GBE1: variants seen among roughly 807,000 people sequenced by gnomAD.
The protein encoded by GBE1 is 1,4-alpha-glucan-branching enzyme.
In GBE1, 70 loss-of-function variants were observed where a neutral mutation model predicts 88.8. The observed-to-expected ratio is 0.79, with a 90% CI of 0.65 to 0.96. The LOEUF is 0.96. GBE1 is among the 40% of genes least tolerant of loss of function. The probability of loss-of-function intolerance (pLI) is 0.00; values close to 1 mark genes in which losing one functional copy is unlikely to be tolerated. For missense variants in GBE1, 872 were observed against 871.0 expected (o/e 1.00, Z -0.01); for synonymous variants, 284 against 300.1 (o/e 0.95, Z 0.56).
intron 2 of GBE1, among the ~76,000 whole-genome samples, chr3:81,695,566 T>C (rs1559690528): frequency 1.3e-5 from 2 of 152,160 alleles, no homozygotes; most frequent in African/African-American, 2.4e-5. Flanking sequence ...TGAAACTAGA[T>C]AGTAATAATG....
intron 12 of GBE1, among the ~76,000 whole-genome samples, chr3:81,551,122 T>G (rs550590610): frequency 1.3e-5 from 2 of 152,284 alleles, no homozygotes; most frequent in Admixed American, 1.3e-4. Context: ...CCAAAGAATA[T>G]ATTCTAAGCC....
intron 9 of GBE1, among the ~76,000 whole-genome samples, chr3:81,587,012 G>A (rs538920840): frequency 2.0e-5 from 3 of 151,930 alleles, no homozygotes; most frequent in African/African-American, 4.8e-5. Flanking sequence ...GGCTGTTCTC[G>A]AACTCCTGAC....
At chr3:81,515,513 T>C (rs1174834068) in intron 14 of GBE1, among the ~76,000 whole-genome samples, 5 of 151,450 alleles carry the variant, frequency 3.3e-5, no homozygotes, top group African/African-American at 9.7e-5. Context: ...CTCCGTATTG[T>C]CTAAGACCAT....
Position 81,630,676 on chromosome 3 carries a change from G to C in GBE1, c.992+12105C>G, listed in dbSNP as rs543260247. Among the ~76,000 whole-genome samples, 5 of 152,208 alleles carry C rather than the reference G, an allele frequency of 3.3e-5. No individual in the cohort carries two copies. In the South Asian group the frequency reaches 1.0e-3, roughly 32 times the overall value. ...AAAATTAACATCCAAATTGAGATGT[G>C]CCCTAAGTGTAAAATACACACCAAA... On this transcript the variant is annotated intron_variant, in intron 7 of 15. Coordinates refer to ENST00000429644, the MANE Select transcript of GBE1 (RefSeq NM_000158.4).
chr3:81,752,322 T>C (rs188578852), intron 1 of GBE1, among the ~76,000 whole-genome samples: 1 of 152,350 alleles, frequency 6.6e-6, no homozygotes, highest in East Asian at 1.9e-4. Flanking sequence ...GCTGCTATTA[T>C]ATATTTTTTC....
intron 1 of GBE1, among the ~76,000 whole-genome samples, chr3:81,718,425 CT>C (rs755471861): frequency 2.0e-4 from 30 of 152,220 alleles, no homozygotes; most frequent in Middle Eastern, 3.4e-3. Context: ...CAAATGAAAG[CT>C]TACTTAAGCT....
intron 15 of GBE1, among the ~76,000 whole-genome samples, chr3:81,497,628 A>G (rs755646341): frequency 3.9e-5 from 6 of 152,154 alleles, no homozygotes; most frequent in Non-Finnish European, 7.3e-5. Flanking sequence ...CAGGTTCTTC[A>G]TAACAGAACC....
At chr3:81,568,468 G>A (rs985555338) in intron 12 of GBE1, among the ~76,000 whole-genome samples, 1 of 137,166 alleles carries the variant, frequency 7.3e-6, no homozygotes, top group African/African-American at 2.8e-5. Flanking sequence ...ATCATTTGCA[G>A]GTTTTTTATT....
intron 3 of GBE1, among the ~76,000 whole-genome samples, chr3:81,668,822 C>G (rs1282847628): frequency 4.6e-5 from 7 of 152,190 alleles, no homozygotes; most frequent in Admixed American, 1.3e-4. Context: ...TTCCACACAC[C>G]TAGCTCCTTA....
chr3:81,533,487 G>A (rs962515821), intron 14 of GBE1, among the ~76,000 whole-genome samples: 4 of 152,072 alleles, frequency 2.6e-5, no homozygotes, highest in African/African-American at 9.7e-5. Flanking sequence ...TGGGTGGGAA[G>A]AAAGTAGGGA....
At chr3:81,599,597 A>C (rs1182541967) in intron 7 of GBE1, among the ~76,000 whole-genome samples, 1 of 152,198 alleles carries the variant, frequency 6.6e-6, no homozygotes, top group Non-Finnish European at 1.5e-5. Flanking sequence ...TTGTATATCT[A>C]AACAGAAAAG....
intron 3 of GBE1, among the ~76,000 whole-genome samples, chr3:81,669,298 A>ATC (rs1351336409): frequency 6.6e-6 from 1 of 152,170 alleles, no homozygotes; most frequent in East Asian, 1.9e-4. Context: ...TCTGCCAATT[A>ATC]TCTCAAAAAA....
At chr3:81,563,157 A>T (rs950324612) in intron 12 of GBE1, among the ~76,000 whole-genome samples, 3 of 152,120 alleles carry the variant, frequency 2.0e-5, no homozygotes, top group South Asian at 2.1e-4. Context: ...TCCGGTATTC[A>T]GTCTTTGAGC....
chr3:81,538,418 A>G (rs898574599), intron 12 of GBE1, among the ~76,000 whole-genome samples: 1 of 152,034 alleles, frequency 6.6e-6, no homozygotes, highest in Non-Finnish European at 1.5e-5. Context: ...TTAAAAATTA[A>G]TAAGTGTCTA....
At chr3:81,509,106 T>C (rs1559628252) in intron 14 of GBE1, among the ~76,000 whole-genome samples, 1 of 152,108 alleles carries the variant, frequency 6.6e-6, no homozygotes, top group African/African-American at 2.4e-5. Context: ...GGTCTATTAA[T>C]TCTTTATTTT....
intron 1 of GBE1, among the ~76,000 whole-genome samples, chr3:81,724,402 C>G (rs753222443): frequency 4.6e-5 from 7 of 152,094 alleles, no homozygotes; most frequent in Non-Finnish European, 7.4e-5. Flanking sequence ...CTAATTATTT[C>G]CCACAGTTCT....
chr3:81,499,352 C>A, intron 14 of GBE1, 125 bp from the exon 15 acceptor site: 1 of 695,426 alleles, frequency 1.4e-6, no homozygotes. Context: ...GCTAAGAACT[C>A]ATTTCTTCTT....
intron 12 of GBE1, among the ~76,000 whole-genome samples, chr3:81,538,552 A>G (rs1266300680): frequency 6.6e-6 from 1 of 152,024 alleles, no homozygotes. Flanking sequence ...AATTGACACA[A>G]GGAATGTCCC....
intron 3 of GBE1, among the ~76,000 whole-genome samples, chr3:81,662,800 A>G (rs756626031): frequency 1.1e-4 from 17 of 152,186 alleles, no homozygotes; most frequent in Non-Finnish European, 1.6e-4. Context: ...TTAGTCAGTC[A>G]AACTGCCTTT....
Sources: allele counts gnomAD v4.1 joint callset (sites outside exome capture counted in the v4.1 genomes callset), GRCh38; gene constraint gnomAD v4.1.1; transcripts MANE v1.5; gene names NCBI Gene and HGNC (gene_info 2026-07-23, HGNC 2026-07-21).